RASGEF1B: variants seen among roughly 807,000 people sequenced by gnomAD.
The protein encoded by RASGEF1B is RasGEF domain family member 1B, also known as ras-GEF domain-containing family member 1B.
A neutral mutation model predicts 65.7 loss-of-function variants in RASGEF1B; 30 were observed. That is an observed-to-expected ratio of 0.46 (90% CI 0.34 to 0.62). The LOEUF (loss-of-function observed/expected upper bound fraction) is 0.62, where lower values mean the gene tolerates loss of function less well. Among genes scored for constraint, RASGEF1B ranks in the 20% least tolerant of loss-of-function variants. The probability of loss-of-function intolerance (pLI) is 0.01; values close to 1 mark genes in which losing one functional copy is unlikely to be tolerated. For synonymous variants in RASGEF1B, 175 were observed against 194.8 expected (o/e 0.90, Z 0.85); for missense variants, 495 against 580.1 (o/e 0.85, Z 1.51).
intron 8 of RASGEF1B, among the ~76,000 whole-genome samples, chr4:81,444,396 G>T (rs1721948361): frequency 6.6e-6 from 1 of 152,158 alleles, no homozygotes; most frequent in South Asian, 2.1e-4. Context: ...TTTATGGGGG[G>T]AGAGAAAGAG....
intron 10 of RASGEF1B, among the ~76,000 whole-genome samples, chr4:81,439,682 T>C (rs1020068865): frequency 2.6e-5 from 4 of 152,196 alleles, no homozygotes; most frequent in Non-Finnish European, 5.9e-5. Flanking sequence ...CTCCCACATG[T>C]GCTCACTGTT....
intron 12 of RASGEF1B, among the ~76,000 whole-genome samples, chr4:81,432,861 A>G (rs1024506627): frequency 6.6e-6 from 1 of 152,024 alleles, no homozygotes; most frequent in East Asian, 1.9e-4. Context: ...TAAAAATTCA[A>G]AAGTTTGTTA....
intron 9 of RASGEF1B, 35 bp downstream of exon 9, chr4:81,442,262 G>A: frequency 2.9e-6 from 4 of 1,384,334 alleles, no homozygotes; most frequent in Non-Finnish European, 4.1e-6. Context: ...CAGGTGTAAA[G>A]TGTTACTTAA....
At chr4:81,436,803 C>A (rs1721646375) in intron 10 of RASGEF1B, among the ~76,000 whole-genome samples, 1 of 152,176 alleles carries the variant, frequency 6.6e-6, no homozygotes, top group Non-Finnish European at 1.5e-5. Context: ...TTCAGATTTT[C>A]ACCAAAGTCA....
intron 1 of RASGEF1B, among the ~76,000 whole-genome samples, chr4:81,461,356 TAA>T (rs971800096): frequency 6.6e-5 from 10 of 152,220 alleles, no homozygotes; most frequent in African/African-American, 2.4e-4. Flanking sequence ...CCTCTGGCTT[TAA>T]AAAGTTTTAG....
chr4:81,465,086 A>G (rs72876562), intron 1 of RASGEF1B, among the ~76,000 whole-genome samples: 1,556 of 137,332 alleles, frequency 0.011, 38 homozygotes, highest in African/African-American at 0.047. Flanking sequence ...CTCCATCTCA[A>G]AAAAAAAAAA....
At chr4:81,463,438 T>G (rs980299573) in intron 1 of RASGEF1B, among the ~76,000 whole-genome samples, 5 of 152,232 alleles carry the variant, frequency 3.3e-5, no homozygotes, top group Non-Finnish European at 5.9e-5. Flanking sequence ...TAACGAGGGA[T>G]AGCCTCTTAG....
intron 12 of RASGEF1B, 60 bp from the exon 13 acceptor site, chr4:81,432,431 C>T: frequency 9.4e-7 from 1 of 1,064,094 alleles, no homozygotes; most frequent in East Asian, 2.4e-5. Context: ...ATATTATCTA[C>T]CACCACCCTT....
At chr4:81,428,415 C>A (rs1001050522) in intron 13 of RASGEF1B, among the ~76,000 whole-genome samples, 9 of 152,162 alleles carry the variant, frequency 5.9e-5, no homozygotes, top group African/African-American at 9.7e-5. Flanking sequence ...AACTGCAGAT[C>A]AAAAATATTT....
chr4:81,449,972 C>G (rs1010952828), intron 4 of RASGEF1B, among the ~76,000 whole-genome samples: 1 of 152,060 alleles, frequency 6.6e-6, no homozygotes, highest in Non-Finnish European at 1.5e-5. Context: ...CTATTTTTCT[C>G]TATAGTCATG....
intron 1 of RASGEF1B, among the ~76,000 whole-genome samples, chr4:81,470,673 A>T (rs1205122194): frequency 6.6e-6 from 1 of 152,142 alleles, no homozygotes; most frequent in African/African-American, 2.4e-5. Flanking sequence ...TTGTGTGCAT[A>T]TTCATCTATA....
At chr4:81,466,251 C>T (rs1204112631) in intron 1 of RASGEF1B, among the ~76,000 whole-genome samples, 1 of 152,120 alleles carries the variant, frequency 6.6e-6, no homozygotes, top group Non-Finnish European at 1.5e-5. Context: ...CCTTTTCTCC[C>T]TTGAAGCTGC....
At position 81,435,396 on chromosome 4, in the gene RASGEF1B, C is replaced by G. The variant is rs1460381276; in HGVS notation, c.1105-662G>C. ...ACTGCAGTCCGCAGTCCGGCCTGGG[C>G]GACAGAGCGAGACTCCCTCTCAAAA... On this transcript the variant is annotated intron_variant, in intron 10 of 13. Transcript: ENST00000264400. Among the ~76,000 whole-genome samples the G allele has an allele frequency of 2.0e-3, 232 of 114,458 alleles. 2 individuals carry two copies. The highest frequency in any genetic ancestry group is 9.4e-3 in the Admixed American group (88 of 9,318). The allele number at this position is 114,458 out of a possible 152,430, so 75.1% of individuals were successfully genotyped here.
intron 10 of RASGEF1B, among the ~76,000 whole-genome samples, chr4:81,436,235 T>C (rs1236628926): frequency 6.6e-6 from 1 of 152,228 alleles, no homozygotes; most frequent in Non-Finnish European, 1.5e-5. Flanking sequence ...GAGTTCAGTT[T>C]AGAATAGTTG....
At chr4:81,467,033 G>A (rs1162487060) in intron 1 of RASGEF1B, among the ~76,000 whole-genome samples, 1 of 150,928 alleles carries the variant, frequency 6.6e-6, no homozygotes, top group African/African-American at 2.4e-5. Context: ...TTTGGTATGT[G>A]AACAGACAGA....
intron 4 of RASGEF1B, chr4:81,451,595 CTT>C (rs1722263453): frequency 6.6e-6 from 1 of 152,136 alleles, no homozygotes; most frequent in Non-Finnish European, 1.5e-5. Flanking sequence ...TTTTTGGCCT[CTT>C]TTGCTTTGTA....
At chr4:81,450,473 C>A (rs1722215231) in intron 4 of RASGEF1B, among the ~76,000 whole-genome samples, 1 of 152,192 alleles carries the variant, frequency 6.6e-6, no homozygotes, top group Non-Finnish European at 1.5e-5. Flanking sequence ...TCAAGCGATT[C>A]TCGTGCCTCA....
At chr4:81,441,127 C>T (rs1721819582) in intron 9 of RASGEF1B, among the ~76,000 whole-genome samples, 198 bp from the exon 10 acceptor site, 1 of 152,094 alleles carries the variant, frequency 6.6e-6, no homozygotes, top group Non-Finnish European at 1.5e-5. Context: ...TGTAATTATG[C>T]GAGCTGATGT....
chr4:81,466,362 G>T (rs1418133301), intron 1 of RASGEF1B, among the ~76,000 whole-genome samples: 1 of 152,156 alleles, frequency 6.6e-6, no homozygotes, highest in Non-Finnish European at 1.5e-5. Flanking sequence ...TACAAAGATT[G>T]ACTGCACCTT....
Sources: gnomAD v4.1 joint callset for allele counts (sites outside exome capture counted in the v4.1 genomes callset) on GRCh38, gnomAD v4.1.1 for gene constraint, MANE v1.5 for transcripts, NCBI Gene and HGNC (gene_info 2026-07-23, HGNC 2026-07-21) for gene names.